The following SMIM7 variants were observed in gnomAD, a reference collection of about 807,000 sequenced individuals.
SMIM7 encodes the protein UPF0608 protein C19orf42.
SMIM7 carries 12 observed loss-of-function variants against 13.3 expected under a neutral mutation model. That is an observed-to-expected ratio of 0.90 (90% CI 0.58 to 1.46). The LOEUF (loss-of-function observed/expected upper bound fraction) is 1.46, where lower values mean the gene tolerates loss of function less well. Ranked by LOEUF, SMIM7 falls within the 40% of genes most tolerant of loss-of-function variation. The pLI is 0.00. For missense variants in SMIM7, 114 were observed against 94.8 expected, an observed-to-expected ratio of 1.20 and a Z score of -0.84; for synonymous variants, 36 against 35.8, an observed-to-expected ratio of 1.01 and a Z score of -0.02.
chr19:16,649,137 G>A (rs2086487186), intron 4 of SMIM7, among the ~76,000 whole-genome samples: 1 of 152,198 alleles, frequency 6.6e-6, no homozygotes, highest in Non-Finnish European at 1.5e-5. Flanking sequence ...AGGTAGGAAT[G>A]TAAAATGTCG....
chr19:16,636,187 T>C (rs781382340), intron 4 of SMIM7: 6 of 152,036 alleles, frequency 3.9e-5, no homozygotes, highest in Non-Finnish European at 7.4e-5. Context: ...TGACAGGCTA[T>C]TGGTTGCCTG....
At chr19:16,644,869 G>A (rs1439060295), downstream of SMIM7, 5 of 152,154 alleles carry the variant, frequency 3.3e-5, no homozygotes, top group Non-Finnish European at 7.3e-5. Context: ...AGCCGCATTC[G>A]AGTTCATTGA....
intron 4 of SMIM7, among the ~76,000 whole-genome samples, chr19:16,635,428 T>C (rs1274306725): frequency 6.8e-6 from 1 of 148,050 alleles, no homozygotes; most frequent in Non-Finnish European, 1.5e-5. Context: ...AAATCAAGTA[T>C]AAGCCATTTC....
chr19:16,637,549 T>C (rs2086368736), intron 4 of SMIM7, among the ~76,000 whole-genome samples: 1 of 152,180 alleles, frequency 6.6e-6, no homozygotes, highest in Non-Finnish European at 1.5e-5. Flanking sequence ...CCCCAGCCTG[T>C]TAGGCAGAAT....
intron 4 of SMIM7, among the ~76,000 whole-genome samples, chr19:16,635,920 A>ATG (rs1392197045): frequency 6.9e-6 from 1 of 145,388 alleles, no homozygotes; most frequent in Non-Finnish European, 1.5e-5. Flanking sequence ...ATATATATAT[A>ATG]TATGTATGTA....
At chr19:16,651,437 A>T (rs570189113) in intron 4 of SMIM7, among the ~76,000 whole-genome samples, 1 of 152,176 alleles carries the variant, frequency 6.6e-6, no homozygotes, top group Non-Finnish European at 1.5e-5. Flanking sequence ...CCCCACCCCA[A>T]ATGGACCAGA....
chr19:16,636,339 G>A (rs1288954370), intron 4 of SMIM7: 1 of 152,066 alleles, frequency 6.6e-6, no homozygotes, highest in Non-Finnish European at 1.5e-5. Flanking sequence ...GACCCATTCT[G>A]TACTTTTGAC....
intron 4 of SMIM7, among the ~76,000 whole-genome samples, chr19:16,647,861 C>A (rs2086470162): frequency 6.6e-6 from 1 of 152,106 alleles, no homozygotes. Flanking sequence ...TAAACTCATT[C>A]CAAAATAAAA....
At chr19:16,657,472 T>C (rs1181787096) in intron 3 of SMIM7, among the ~76,000 whole-genome samples, 1 of 152,236 alleles carries the variant, frequency 6.6e-6, no homozygotes, top group South Asian at 2.1e-4. Flanking sequence ...GATCAATGGA[T>C]AGACGGACAG....
intron 4 of SMIM7, chr19:16,638,774 A>G (rs1405557020): frequency 1.3e-5 from 2 of 152,244 alleles, no homozygotes; most frequent in African/African-American, 4.8e-5. Context: ...AGTGACAACT[A>G]CTGAGTGGCT....
At chr19:16,638,500 G>T (rs914616686) in intron 4 of SMIM7, among the ~76,000 whole-genome samples, 1 of 151,568 alleles carries the variant, frequency 6.6e-6, no homozygotes, top group African/African-American at 2.4e-5. Context: ...TAGAGACAGG[G>T]TTTCACCACA....
At chr19:16,641,870 C>T (rs551882819), downstream of SMIM7, among the ~76,000 whole-genome samples, 2 of 152,252 alleles carry the variant, frequency 1.3e-5, no homozygotes, top group East Asian at 1.9e-4. Flanking sequence ...TGTGAGCCAC[C>T]GCACCCGGCT....
At chr19:16,631,374 A>G (rs1462983538) in exon 5 of SMIM7, 1 of 152,152 alleles carries the variant, frequency 6.6e-6, no homozygotes, top group Non-Finnish European at 1.5e-5. Context: ...TGACAGAGCG[A>G]GACTCCATCA....
At chr19:16,656,295 C>T (rs921825960) in intron 3 of SMIM7, among the ~76,000 whole-genome samples, 2 of 151,772 alleles carry the variant, frequency 1.3e-5, no homozygotes, top group African/African-American at 2.4e-5. Flanking sequence ...GGCTGAGGCA[C>T]GAAAATCACT....
At chr19:16,652,795 T>C in intron 4 of SMIM7, 2 of 1,527,096 alleles carry the variant, frequency 1.3e-6, no homozygotes, top group Non-Finnish European at 1.8e-6. Flanking sequence ...TCTCTCTTTC[T>C]GGGGGAAGCA....
At chr19:16,639,097 A>G (rs1439162231) in intron 4 of SMIM7, 1 of 151,894 alleles carries the variant, frequency 6.6e-6, no homozygotes, top group Non-Finnish European at 1.5e-5. Flanking sequence ...TGAACAGGAA[A>G]CAGGATCCAC....
intron 3 of SMIM7, among the ~76,000 whole-genome samples, chr19:16,658,212 C>T (rs191190805): frequency 6.6e-6 from 1 of 152,324 alleles, no homozygotes; most frequent in East Asian, 1.9e-4. Flanking sequence ...CTAACGTCAC[C>T]TCTGTCACTA....
chr19:16,637,102 C>T (rs1219568127), intron 4 of SMIM7, among the ~76,000 whole-genome samples: 5 of 152,288 alleles, frequency 3.3e-5, no homozygotes, highest in East Asian at 1.9e-4. Context: ...TTAACTAAGA[C>T]GGAGACTGAA....
chr19:16,659,045 G>A (rs2086632754), intron 3 of SMIM7: 1 of 323,622 alleles, frequency 3.1e-6, no homozygotes, highest in South Asian at 3.1e-5. Context: ...AGCTCTTCGG[G>A]AGGCCAAGGC....
Sources: gnomAD v4.1 joint callset for allele counts (sites outside exome capture counted in the v4.1 genomes callset) on GRCh38, gnomAD v4.1.1 for gene constraint, MANE v1.5 for transcripts, NCBI Gene and HGNC (gene_info 2026-07-23, HGNC 2026-07-21) for gene names.